Variants in PIAS2 observed in about 807,000 individuals in gnomAD.
PIAS2 encodes the protein protein inhibitor of activated STAT 2.
PIAS2 carries 19 observed loss-of-function variants against 69.7 expected under a neutral mutation model. The ratio of observed to expected loss-of-function variants is 0.27; its 90% confidence interval spans 0.19 to 0.40. The LOEUF (loss-of-function observed/expected upper bound fraction) is 0.40. Among genes scored for constraint, PIAS2 ranks in the 10% least tolerant of loss-of-function variants. The pLI, the probability that PIAS2 is intolerant of heterozygous loss-of-function variation, is 1.00. For synonymous variants in PIAS2, 261 were observed against 263.2 expected (o/e 0.99, Z 0.08); for missense variants, 624 against 757.0 (o/e 0.82, Z 2.06).
chr18:46,842,816 C>T (rs1230186346), intron 8 of PIAS2, among the ~76,000 whole-genome samples: 2 of 152,132 alleles, frequency 1.3e-5, no homozygotes, highest in Non-Finnish European at 2.9e-5. Context: ...CAGGTCTTAC[C>T]CTACTGGAAC....
At chr18:46,906,773 TGG>T (rs59066322) in intron 1 of PIAS2, among the ~76,000 whole-genome samples, 835 of 80,864 alleles carry the variant, frequency 0.01, 31 homozygotes, top group African/African-American at 0.033. Flanking sequence ...TGTGTGTGTG[TGG>T]GGGGGGGGGG....
intron 1 of PIAS2, among the ~76,000 whole-genome samples, chr18:46,895,815 T>C (rs2054770035): frequency 6.6e-6 from 1 of 152,184 alleles, no homozygotes; most frequent in African/African-American, 2.4e-5. Context: ...AGATACTGCT[T>C]ACTCTTTTCA....
At chr18:46,859,533 T>G (rs756143570) in intron 3 of PIAS2, among the ~76,000 whole-genome samples, 1 of 151,432 alleles carries the variant, frequency 6.6e-6, no homozygotes, top group African/African-American at 2.4e-5. Flanking sequence ...TCAAGGCAGA[T>G]TCCAATGCCA....
intron 12 of PIAS2, among the ~76,000 whole-genome samples, chr18:46,820,656 AAGAAGTC>A (rs200316932): frequency 0.011 from 1,680 of 147,786 alleles, 17 homozygotes; most frequent in Non-Finnish European, 0.017. Context: ...AGAAACCAAG[AAGAAGTC>A]TCTAAGTACA....
chr18:46,835,093 C>A (rs1164685120), intron 9 of PIAS2, among the ~76,000 whole-genome samples: 3 of 152,120 alleles, frequency 2.0e-5, no homozygotes, highest in Non-Finnish European at 4.4e-5. Flanking sequence ...GTAAACACAT[C>A]ACAAAATATT....
chr18:46,845,766 C>T (rs1017648199), intron 6 of PIAS2, among the ~76,000 whole-genome samples: 5 of 151,984 alleles, frequency 3.3e-5, no homozygotes. Context: ...TATCTAAATA[C>T]CCAACTTATG....
chr18:46,836,275 G>T, intron 9 of PIAS2, 82 bp downstream of exon 9: 3 of 1,016,200 alleles, frequency 3.0e-6, no homozygotes, highest in Non-Finnish European at 4.5e-6. Context: ...TTAGAATTTA[G>T]TTCAGTAAGT....
rs1343665427 is a variant in PIAS2 at position 46,890,981 on chromosome 18, C to T, written c.98G>A (p.Arg33His). The T allele has an allele frequency of 3.7e-6, 6 of 1,614,022 alleles. No individual in the cohort carries two copies. Among genetic ancestry groups the T allele is most frequent in the Non-Finnish European group, 5.1e-6 (6 of 1,179,998 alleles). Residue 33 changes from arginine to histidine, a missense_variant, in exon 2 of 14, where the codon CGC becomes CAC. By Grantham distance (29) the Arg-to-His change is conservative. This residue lies in a region of PIAS2 where 339 missense variants were observed against 408.8 expected (regional missense o/e 0.83). Coordinates refer to ENST00000585916, the MANE Select transcript of PIAS2 (RefSeq NM_004671.5). ...CGCCCTCATCAGGAGGTCATGCTTG[C>T]GTCCACTTTTATTCCGTCCAGCAAA... ...LGFAGRNKSG[R>H]KHDLLMRALH...
At chr18:46,836,652 T>C in intron 8 of PIAS2, 135 bp from the exon 9 acceptor site, 2 of 614,808 alleles carry the variant, frequency 3.3e-6, no homozygotes, top group Non-Finnish European at 2.8e-6. Context: ...AATCAGAATG[T>C]ATTCCCAAGA....
intron 9 of PIAS2, among the ~76,000 whole-genome samples, chr18:46,832,752 C>T (rs978125671): frequency 6.6e-6 from 1 of 151,566 alleles, no homozygotes; most frequent in South Asian, 2.1e-4. Flanking sequence ...ATTAGCCAAG[C>T]GTGGTGGTGG....
intron 1 of PIAS2, among the ~76,000 whole-genome samples, chr18:46,911,880 G>T (rs768608593): frequency 2.0e-5 from 3 of 152,160 alleles, no homozygotes; most frequent in Non-Finnish European, 4.4e-5. Context: ...GTGAAACCCT[G>T]TCTCTATTAC....
At chr18:46,867,672 C>T (rs2049697277) in intron 2 of PIAS2, among the ~76,000 whole-genome samples, 1 of 152,128 alleles carries the variant, frequency 6.6e-6, no homozygotes, top group Non-Finnish European at 1.5e-5. Context: ...TTTCAACAAC[C>T]CTTCATAATG....
chr18:46,912,757 AAAAC>A (rs769193110), intron 1 of PIAS2, among the ~76,000 whole-genome samples: 49 of 152,308 alleles, frequency 3.2e-4, no homozygotes, highest in African/African-American at 5.1e-4. Flanking sequence ...TAAAACCCTA[AAAAC>A]AAACAAACAA....
intron 5 of PIAS2, among the ~76,000 whole-genome samples, chr18:46,848,533 T>C (rs1211527928): frequency 1.3e-5 from 2 of 152,050 alleles, no homozygotes; most frequent in Non-Finnish European, 2.9e-5. Context: ...CTAGTACTGG[T>C]AGTATCACAA....
rs769580890 is a variant in PIAS2 at position 46,805,831 on chromosome 18, C to T, written c.*6602G>A. The T allele has an allele frequency of 2.0e-5, 3 of 152,116 alleles. No individual in the cohort carries two copies. The highest frequency in any genetic ancestry group is 4.4e-5 in the Non-Finnish European group (3 of 68,032). 9.4% of individuals were successfully genotyped at this position (152,116 alleles called of 1,614,324 possible). On this transcript the variant is annotated 3_prime_UTR_variant, in exon 14 of 14. Transcript: ENST00000585916. Reference sequence around the variant, plus strand: ...TTTATTTAAAAGACTGCAGAAAAACCAGGAATGAGCCTCATGGATGCTTCA... The same window carrying T: ...TTTATTTAAAAGACTGCAGAAAAACTAGGAATGAGCCTCATGGATGCTTCA...
At chr18:46,898,844 A>G (rs1190036596) in intron 1 of PIAS2, among the ~76,000 whole-genome samples, 1 of 151,944 alleles carries the variant, frequency 6.6e-6, no homozygotes, top group Non-Finnish European at 1.5e-5. Context: ...AAATACAAAT[A>G]TTAGCCGGGC....
chr18:46,867,814 T>C (rs575083139), intron 2 of PIAS2, among the ~76,000 whole-genome samples: 4 of 152,208 alleles, frequency 2.6e-5, no homozygotes, highest in Non-Finnish European at 4.4e-5. Context: ...CCTTTTGTAA[T>C]AGCATCAACC....
intron 5 of PIAS2, among the ~76,000 whole-genome samples, chr18:46,854,439 T>A (rs1314714672): frequency 1.3e-5 from 2 of 152,310 alleles, no homozygotes; most frequent in African/African-American, 4.8e-5. Context: ...ACCTCCAACT[T>A]TGTAGTGCTT....
At chr18:46,915,699 C>A (rs373662238) in intron 1 of PIAS2, 1 of 151,762 alleles carries the variant, frequency 6.6e-6, no homozygotes, top group Admixed American at 6.6e-5. Flanking sequence ...TTACTCTGCT[C>A]TATAAGAGCG....
Sources: allele counts gnomAD v4.1 joint callset (sites outside exome capture counted in the v4.1 genomes callset), GRCh38; gene constraint gnomAD v4.1.1; regional missense constraint gnomAD v4.1.1; transcripts MANE v1.5; gene names NCBI Gene and HGNC (gene_info 2026-07-23, HGNC 2026-07-21).